Variants in GSTO2 observed in about 807,000 individuals in gnomAD.
GSTO2 encodes glutathione S-transferase omega-2.
GSTO2 carries 23 observed loss-of-function variants against 28.4 expected under a neutral mutation model. That is an observed-to-expected ratio of 0.81 (90% CI 0.58 to 1.15). The LOEUF (loss-of-function observed/expected upper bound fraction) is 1.15. GSTO2 is among the 50% of genes most tolerant of loss of function. GSTO2 has a pLI of 0.00. For missense variants in GSTO2, 298 were observed against 297.8 expected (o/e 1.00, Z 0.00); for synonymous variants, 109 against 111.0 (o/e 0.98, Z 0.11).
chr10:104,289,008 C>T (rs1230232375), intron 5 of GSTO2, among the ~76,000 whole-genome samples: 1 of 152,176 alleles, frequency 6.6e-6, no homozygotes, highest in African/African-American at 2.4e-5. Flanking sequence ...CATCTACCAC[C>T]AATCACTTTA....
chr10:104,275,265 G>T lies in GSTO2; in HGVS notation c.74G>T (p.Arg25Leu), dbSNP rs377152092. The change falls in exon 3 of 7, where the codon CGC becomes CTC. Residue 25 changes from arginine (R) to leucine (L), a missense_variant. Arg to Leu is a moderately radical substitution (Grantham distance 102). Transcript: ENST00000338595. ...GGGCCAGTCCCGGAGGGGCTGATCCGCATCTACAGCATGAGGTTCTGCCCC... is the reference window on the plus strand; with the variant it reads ...GGGCCAGTCCCGGAGGGGCTGATCCTCATCTACAGCATGAGGTTCTGCCCC... ...PPGPVPEGLI[R>L]IYSMRFCPYS... 1.2e-6 allele frequency: 2 copies of T among 1,613,886 alleles called. No individual in the cohort carries two copies. Among genetic ancestry groups the T allele is most frequent in the African/African-American group, 1.3e-5 (1 of 74,904 alleles).
chr10:104,272,882 G>A (rs1393772463), intron 1 of GSTO2, among the ~76,000 whole-genome samples: 1 of 152,066 alleles, frequency 6.6e-6, no homozygotes, highest in Admixed American at 6.6e-5. Flanking sequence ...AAAGTGCTGG[G>A]ATTACAGGCA....
In GSTO2 at chr10:104,301,237, A is replaced by G. The variant is rs2013248053; in HGVS notation, c.*1953A>G. The G allele has an allele frequency of 6.6e-6, 1 of 152,258 alleles. No homozygotes were observed. The highest frequency in any genetic ancestry group is 2.4e-5 in the African/African-American group (1 of 41,454). The allele number at this position is 152,258 out of a possible 1,614,324, so 9.4% of individuals were successfully genotyped here. A position where few individuals can be genotyped will look rare whatever the true frequency, so the allele number is the denominator to read the frequency against. On this transcript the variant is annotated 3_prime_UTR_variant, in exon 7 of 7. Transcript: ENST00000338595. Reference sequence around the variant, plus strand: ...TAAGACCAAAGTTACCACTGATGCAACAGGAAATGGCATGCCTCTGGCTCA... The same window carrying G: ...TAAGACCAAAGTTACCACTGATGCAGCAGGAAATGGCATGCCTCTGGCTCA...
intron 5 of GSTO2, among the ~76,000 whole-genome samples, chr10:104,294,530 T>A (rs1198673352): frequency 6.6e-6 from 1 of 152,106 alleles, no homozygotes; most frequent in Non-Finnish European, 1.5e-5. Flanking sequence ...GATTTTAGAC[T>A]TACCCTGCTT....
At chr10:104,282,010 A>AG (rs1433831723) in intron 5 of GSTO2, among the ~76,000 whole-genome samples, 3 of 152,110 alleles carry the variant, frequency 2.0e-5, no homozygotes, top group African/African-American at 7.2e-5. Context: ...GACCAGAGTC[A>AG]GATGCTAAAA....
chr10:104,269,811 A>G (rs2011298578), intron 1 of GSTO2, among the ~76,000 whole-genome samples: 1 of 152,212 alleles, frequency 6.6e-6, no homozygotes, highest in Admixed American at 6.5e-5. Context: ...CAAACCACAT[A>G]ATGTACTGGT....
At chr10:104,286,970 G>A (rs939093276) in intron 5 of GSTO2, among the ~76,000 whole-genome samples, 6 of 152,056 alleles carry the variant, frequency 3.9e-5, no homozygotes, top group African/African-American at 1.4e-4. Context: ...GGACTTTTTT[G>A]TTTTTGTTTT....
At chr10:104,296,613 T>TAAAAAAAAA (rs11347549) in intron 5 of GSTO2, 10 of 66,494 alleles carry the variant, frequency 1.5e-4, no homozygotes, top group East Asian at 4.7e-4. Flanking sequence ...AGACCCTATC[T>TAAAAAAAAA]AAAAAAAAAA....
chr10:104,288,482 A>T (rs2012581258), intron 5 of GSTO2: 1 of 152,240 alleles, frequency 6.6e-6, no homozygotes, highest in African/African-American at 2.4e-5. Flanking sequence ...TTTGCCCCTC[A>T]CCAGCAGTAT....
At chr10:104,292,637 G>A (rs563940173) in intron 5 of GSTO2, among the ~76,000 whole-genome samples, 2 of 151,584 alleles carry the variant, frequency 1.3e-5, no homozygotes, top group South Asian at 2.1e-4. Flanking sequence ...TAGTTTTTTT[G>A]TAGAGACAGG....
intron 5 of GSTO2, among the ~76,000 whole-genome samples, chr10:104,279,830 G>T (rs2011910638): frequency 6.6e-6 from 1 of 151,916 alleles, no homozygotes; most frequent in Admixed American, 6.6e-5. Context: ...ATGTTGTAAG[G>T]GTTTACTCTC....
At chr10:104,279,573 C>T (rs1035154873) in intron 5 of GSTO2, 102 bp downstream of exon 5, 19 of 729,750 alleles carry the variant, frequency 2.6e-5, no homozygotes, top group Admixed American at 1.4e-4. Context: ...CTTATTCTTT[C>T]TGCCTTTGAT....
intron 5 of GSTO2, chr10:104,291,397 G>A (rs2135133421): frequency 6.6e-6 from 1 of 152,382 alleles, no homozygotes; most frequent in African/African-American, 2.4e-5. Flanking sequence ...GAACCAAAGA[G>A]TTGAAGACTG....
At chr10:104,273,351 T>C (rs1233134446) in intron 1 of GSTO2, among the ~76,000 whole-genome samples, 1 of 152,274 alleles carries the variant, frequency 6.6e-6, no homozygotes, top group Non-Finnish European at 1.5e-5. Flanking sequence ...CAAACATTTT[T>C]GCCATTCCCT....
intron 5 of GSTO2, among the ~76,000 whole-genome samples, chr10:104,285,293 G>T (rs1198492183): frequency 1.3e-5 from 2 of 151,808 alleles, no homozygotes; most frequent in Non-Finnish European, 2.9e-5. Flanking sequence ...TTAGAGATTG[G>T]GGTCTCTCTC....
rs1375673347 is a variant in GSTO2 at position 104,291,312 on chromosome 10, ATTTC to A, written c.469-6263_469-6260del. On this transcript the variant is annotated intron_variant, in intron 5 of 6. Coordinates refer to ENST00000338595, the MANE Select transcript of GSTO2 (RefSeq NM_183239.2). ...ACTGTTTCGAGATTGGGGGCTTGGG[ATTTC>A]TTGGCAATGGTGTAGAGGATGGTGA... 5 of 152,250 alleles carry A rather than the reference ATTTC, an allele frequency of 3.3e-5. No individual in the cohort carries two copies. The East Asian group carries it at 9.7e-4, about 29-fold the overall frequency. The allele number at this position is 152,250 out of a possible 1,614,324, so 9.4% of individuals were successfully genotyped here.
At chr10:104,279,498 C>T (rs2011881719) in intron 5 of GSTO2, 27 bp downstream of exon 5, 1 of 1,516,522 alleles carries the variant, frequency 6.6e-7, no homozygotes, top group Non-Finnish European at 9.2e-7. Context: ...CTCTCCTGGT[C>T]AGCTACAGTG....
chr10:104,293,637 C>G (rs1305454639), intron 5 of GSTO2, among the ~76,000 whole-genome samples: 2 of 145,176 alleles, frequency 1.4e-5, no homozygotes, highest in Non-Finnish European at 1.5e-5. Context: ...CTTAGTGCAG[C>G]CTTGACCTCC....
Position 104,277,991 on chromosome 10 carries a change from C to T in GSTO2, c.241C>T (p.Gln81Ter), listed in dbSNP as rs779847735. The change falls in exon 4 of 7, where the codon CAA becomes TAA. Residue 81 changes from glutamine (Q) to a stop codon, truncating the protein, a stop_gained. Transcript: ENST00000338595. LOFTEE classifies it high-confidence loss of function. ...HIPVLETSQC[Q>*]LIYESVIACE... ...TCCTGTCCTGGAGACCAGCCAATGT[C>T]AACTGATCTATGAATCTGTTATTGC... 1.2e-6 allele frequency: 2 copies of T among 1,613,580 alleles called. No homozygotes were observed. The highest frequency in any genetic ancestry group is 1.7e-6 in the Non-Finnish European group (2 of 1,179,474).
Sources: allele counts gnomAD v4.1 joint callset (sites outside exome capture counted in the v4.1 genomes callset), GRCh38; gene constraint gnomAD v4.1.1; transcripts MANE v1.5; gene names NCBI Gene and HGNC (gene_info 2026-07-23, HGNC 2026-07-21).